The following AIDA variants were observed in gnomAD, a reference collection of about 807,000 sequenced individuals.
The protein encoded by AIDA is axin interactor, dorsalization-associated protein.
AIDA carries 18 observed loss-of-function variants against 42.7 expected under a neutral mutation model. The ratio of observed to expected loss-of-function variants is 0.42; its 90% CI spans 0.29 to 0.63. AIDA has a LOEUF of 0.63. Ranked by LOEUF, AIDA falls within the 20% of genes least tolerant of loss-of-function variation. The pLI is 0.19. For missense variants in AIDA, 250 were observed against 354.1 expected (o/e 0.71, Z 2.36); for synonymous variants, 104 against 122.9 (o/e 0.85, Z 1.02).
chr1:222,673,514 C>A, intron 7 of AIDA, 79 bp from the exon 8 acceptor site: 3 of 1,253,194 alleles, frequency 2.4e-6, no homozygotes, highest in South Asian at 4.4e-5. Context: ...CGGTGGCTCA[C>A]GCCTGTAATC....
chr1:222,689,117 A>ATTTTATGT (rs1432250332), intron 4 of AIDA, among the ~76,000 whole-genome samples: 1 of 151,830 alleles, frequency 6.6e-6, no homozygotes, highest in Non-Finnish European at 1.5e-5. Flanking sequence ...AAAATAGAAA[A>ATTTTATGT]CACTTATAGA....
intron 1 of AIDA, 25 bp downstream of exon 1, chr1:222,712,183 C>T: frequency 6.3e-7 from 1 of 1,578,602 alleles, no homozygotes; most frequent in Non-Finnish European, 8.6e-7. Context: ...GCCGGTCTGG[C>T]CTGCTCCCGC....
At chr1:222,682,444 G>A (rs941465324) in intron 6 of AIDA, among the ~76,000 whole-genome samples, 4 of 152,104 alleles carry the variant, frequency 2.6e-5, no homozygotes, top group African/African-American at 9.7e-5. Flanking sequence ...TCAATGAGAG[G>A]TCAGTCCTTA....
intron 1 of AIDA, among the ~76,000 whole-genome samples, chr1:222,709,753 C>A (rs757527574): frequency 4.6e-5 from 7 of 152,178 alleles, no homozygotes; most frequent in Non-Finnish European, 1.0e-4. Context: ...AGCACTTACT[C>A]TTTTCATACT....
chr1:222,700,084 C>T (rs539847335), intron 2 of AIDA, among the ~76,000 whole-genome samples: 1 of 152,268 alleles, frequency 6.6e-6, no homozygotes, highest in South Asian at 2.1e-4. Context: ...TAAAGGCATA[C>T]AAATTGCCTT....
At chr1:222,689,571 A>G (rs1191911022) in intron 4 of AIDA, among the ~76,000 whole-genome samples, 5 of 130,486 alleles carry the variant, frequency 3.8e-5, no homozygotes, top group African/African-American at 1.1e-4. Flanking sequence ...ATATATATGT[A>G]TATATATATA....
rs1454290727 is a variant in AIDA at position 222,703,077 on chromosome 1, G to C, written c.180+71C>G. The C allele has an allele frequency of 4.0e-6, 5 of 1,240,678 alleles. No homozygotes were observed. In the African/African-American group the frequency reaches 7.7e-5, roughly 19 times the overall value. The allele number at this position is 1,240,678 out of a possible 1,614,324, so 76.9% of individuals were successfully genotyped here. A position where few individuals can be genotyped will look rare whatever the true frequency, so the allele number is the denominator to read the frequency against. ...TTTTTGTTTTGTTGTTTTTTGTTTT[G>C]CTTAATGAACTCAAAAGACAAAACA... On this transcript the variant is annotated intron_variant, in intron 2 of 9. Coordinates refer to ENST00000340020, the MANE Select transcript of AIDA (RefSeq NM_022831.4).
rs1664382073 is a variant in AIDA, at chr1:222,668,419, CA to C, written c.*1473del. The stretch of plus-strand genomic sequence containing the variant: ...CCCCTAGAGCTATTGTGGACTGAAT[CA>C]TTTTAGAATTTGGAATTAATCCAAT... On this transcript the variant is annotated 3_prime_UTR_variant, in exon 10 of 10. Transcript: ENST00000340020. The C allele has an allele frequency of 1.1e-5, 1 of 94,884 alleles. No individual in the cohort carries two copies. The allele number at this position is 94,884 out of a possible 1,614,324, so 5.9% of individuals were successfully genotyped here. A position where few individuals can be genotyped will look rare whatever the true frequency, so the allele number is the denominator to read the frequency against.
intron 6 of AIDA, among the ~76,000 whole-genome samples, chr1:222,685,665 T>C (rs1655140261): frequency 6.6e-6 from 1 of 152,186 alleles, no homozygotes; most frequent in Non-Finnish European, 1.5e-5. Context: ...AGTAAAGCAG[T>C]AATTGGGAGA....
chr1:222,697,889 G>C (rs576281977), intron 2 of AIDA, among the ~76,000 whole-genome samples: 2 of 152,216 alleles, frequency 1.3e-5, no homozygotes, highest in East Asian at 3.9e-4. Flanking sequence ...GGGTGGAAAG[G>C]AGAGCATTAT....
At chr1:222,693,329 A>C (rs1655425777) in intron 4 of AIDA, among the ~76,000 whole-genome samples, 1 of 152,212 alleles carries the variant, frequency 6.6e-6, no homozygotes, top group Non-Finnish European at 1.5e-5. Context: ...ACTAACCATC[A>C]AAACATTTGA....
intron 1 of AIDA, among the ~76,000 whole-genome samples, chr1:222,703,690 C>T (rs187268416): frequency 6.6e-6 from 1 of 152,278 alleles, no homozygotes; most frequent in Non-Finnish European, 1.5e-5. Flanking sequence ...ATCCATCCTA[C>T]TATCAATATA....
intron 4 of AIDA, among the ~76,000 whole-genome samples, chr1:222,693,513 A>G (rs1655430510): frequency 6.6e-6 from 1 of 152,304 alleles, no homozygotes; most frequent in East Asian, 1.9e-4. Flanking sequence ...GCAAATGTTT[A>G]CCAAAGTAAT....
intron 4 of AIDA, among the ~76,000 whole-genome samples, chr1:222,689,604 C>A (rs369634986): frequency 7.3e-6 from 1 of 137,346 alleles, no homozygotes; most frequent in Non-Finnish European, 1.6e-5. Flanking sequence ...CATATATATA[C>A]ACACACACAC....
At chr1:222,708,797 T>C (rs902958717) in intron 1 of AIDA, among the ~76,000 whole-genome samples, 5 of 152,222 alleles carry the variant, frequency 3.3e-5, no homozygotes, top group Admixed American at 6.5e-5. Flanking sequence ...TATCCCCAGA[T>C]AGCTAAATGC....
chr1:222,697,420 C>T (rs548910909), intron 2 of AIDA, among the ~76,000 whole-genome samples: 3 of 144,954 alleles, frequency 2.1e-5, no homozygotes, highest in African/African-American at 4.9e-5. Flanking sequence ...CAAAATCAAG[C>T]GCTTGCTACT....
At chr1:222,689,260 A>G (rs1008785409) in intron 4 of AIDA, among the ~76,000 whole-genome samples, 2 of 151,336 alleles carry the variant, frequency 1.3e-5, no homozygotes, top group Non-Finnish European at 2.9e-5. Context: ...CAACACAGTG[A>G]AACCCCATCT....
intron 4 of AIDA, among the ~76,000 whole-genome samples, chr1:222,689,175 C>T (rs1655277770): frequency 6.6e-6 from 1 of 151,784 alleles, no homozygotes; most frequent in Non-Finnish European, 1.5e-5. Context: ...CATTGGTTCA[C>T]ACCTGTAATC....
At chr1:222,688,982 G>A (rs2124958138) in intron 4 of AIDA, among the ~76,000 whole-genome samples, 1 of 152,138 alleles carries the variant, frequency 6.6e-6, no homozygotes, top group South Asian at 2.1e-4. Context: ...CTTCCAGTGG[G>A]ACAAGATGTG....
Sources: allele counts gnomAD v4.1 joint callset (sites outside exome capture counted in the v4.1 genomes callset), GRCh38; gene constraint gnomAD v4.1.1; transcripts MANE v1.5; gene names NCBI Gene and HGNC (gene_info 2026-07-23, HGNC 2026-07-21).